SCN11A: variants seen among roughly 807,000 people sequenced by gnomAD.
SCN11A encodes the protein sodium voltage-gated channel alpha subunit 11, also known as sodium channel protein type 11 subunit alpha.
A neutral mutation model predicts 162.2 loss-of-function variants in SCN11A; 122 were observed. That is an observed-to-expected ratio of 0.75 (90% CI 0.65 to 0.87). SCN11A has a LOEUF of 0.87. Among genes scored for constraint, SCN11A ranks in the 40% least tolerant of loss-of-function variants. The pLI, the probability that SCN11A is intolerant of heterozygous loss-of-function variation, is 0.00. For synonymous variants in SCN11A, 758 were observed against 751.5 expected (o/e 1.01, Z -0.14); for missense variants, 2,015 against 2,181.6 (o/e 0.92, Z 1.52).
chr3:38,986,523 G>A lies in SCN11A; in HGVS notation c.-279-26100C>T, dbSNP rs372290097. 5.9e-5 allele frequency among the ~76,000 whole-genome samples: 9 copies of A among 152,146 alleles called. No homozygotes were observed. The East Asian group carries it at 1.5e-3, about 26-fold the overall frequency. ...GATGCAGTGAGGTGACCACAAGAAA[G>A]AAGAGGGAACCCCGAAACTGAAGAT... On this transcript the variant is annotated intron_variant, in intron 2 of 29. Transcript: ENST00000302328.
intron 2 of SCN11A, among the ~76,000 whole-genome samples, chr3:39,030,040 G>A (rs997868893): frequency 6.6e-6 from 1 of 152,160 alleles, no homozygotes; most frequent in Non-Finnish European, 1.5e-5. Flanking sequence ...GTGCTTGCTG[G>A]TCTCAAGAGT....
chr3:38,995,799 G>GTCTATCTATCTATCTGTCTA (rs1553648575), intron 2 of SCN11A, among the ~76,000 whole-genome samples: 6 of 131,480 alleles, frequency 4.6e-5, no homozygotes, highest in East Asian at 2.6e-4. Flanking sequence ...ACAATAAATT[G>GTCTATCTATCTATCTGTCTA]TCTATCTATC....
Position 38,872,206 on chromosome 3 carries a change from A to C in SCN11A, c.3482T>G (p.Phe1161Cys). The C allele has an allele frequency of 6.3e-7, 1 of 1,594,712 alleles. No individual in the cohort carries two copies. Among genetic ancestry groups the C allele is most frequent in the Non-Finnish European group, 8.6e-7 (1 of 1,162,530 alleles). The change falls in exon 24 of 30, where the codon TTT becomes TGT. Residue 1161 changes from phenylalanine to cysteine, a missense_variant. Physicochemically the swap from Phe to Cys is radical, Grantham distance 205 (BLOSUM62 -2). Coordinates refer to ENST00000302328, the MANE Select transcript of SCN11A (RefSeq NM_001349253.2). The part of the protein sequence containing the change: ...ALRPLRALSQ[F>C]EGMKVVVNAL... The stretch of plus-strand genomic sequence containing the variant: ...TGCAGAATGTACCTTCATTCCTTCA[A>C]ACTGGGACAGCGCACGAAGAGGCCT...
chr3:39,036,876 A>T (rs1417797768), intron 1 of SCN11A, among the ~76,000 whole-genome samples: 1 of 152,236 alleles, frequency 6.6e-6, no homozygotes, highest in East Asian at 1.9e-4. Flanking sequence ...TGTTAGTGGG[A>T]ATGTAAATTA....
At chr3:38,942,516 A>C (rs1268160885) in intron 7 of SCN11A, among the ~76,000 whole-genome samples, 1 of 152,148 alleles carries the variant, frequency 6.6e-6, no homozygotes, top group African/African-American at 2.4e-5. Context: ...ACTGAACTGA[A>C]ATTAGATAAT....
At position 38,884,084 on chromosome 3, in the gene SCN11A, G is replaced by T. The variant is rs181680334; in HGVS notation, c.3065-697C>A. Among the ~76,000 whole-genome samples, 346 of 152,160 alleles carry T rather than the reference G, an allele frequency of 2.3e-3. 4 individuals carry two copies. The highest frequency in any genetic ancestry group is 7.7e-3 in the African/African-American group (319 of 41,496). On this transcript the variant is annotated intron_variant, in intron 21 of 29. Coordinates refer to ENST00000302328, the MANE Select transcript of SCN11A (RefSeq NM_001349253.2). ...CTCCTCCTCCCCTTGTACAAATTCT[G>T]CTGATCCTTATTCATGATGATTATA...
In SCN11A at chr3:38,850,745, A is replaced by G. The variant is rs904471633; in HGVS notation, c.4063T>C (p.Cys1355Arg). The G allele has an allele frequency of 1.9e-6, 3 of 1,581,896 alleles. No individual in the cohort carries two copies. Among genetic ancestry groups the G allele is most frequent in the Admixed American group, 3.8e-5 (2 of 53,250 alleles). ...QKPIPRPLNK[C>R]QGLVFDIVTS... ...ACTATGTCGAACACGAGACCTTGAC[A>G]TTTGTTCTGAGAAAAAAAAGAAATT... The change falls in exon 29 of 30, where the codon TGT becomes CGT. Residue 1355 changes from cysteine to arginine, a missense_variant. Cys to Arg is a radical substitution (Grantham distance 180). Transcript: ENST00000302328.
intron 23 of SCN11A, among the ~76,000 whole-genome samples, chr3:38,875,699 A>G (rs1319165313): frequency 6.6e-6 from 1 of 152,198 alleles, no homozygotes; most frequent in Non-Finnish European, 1.5e-5. Flanking sequence ...CACTGCTGAA[A>G]GAAATCATCA....
intron 2 of SCN11A, among the ~76,000 whole-genome samples, chr3:39,014,208 G>A (rs1348251053): frequency 1.3e-5 from 2 of 152,126 alleles, no homozygotes; most frequent in Admixed American, 6.5e-5. Context: ...GTATTAAGAG[G>A]TGCCCCAGGG....
chr3:38,871,275 G>A (rs956636302), intron 25 of SCN11A, among the ~76,000 whole-genome samples, 170 bp downstream of exon 25: 2 of 152,218 alleles, frequency 1.3e-5, no homozygotes, highest in African/African-American at 4.8e-5. Flanking sequence ...CAATGAAGTT[G>A]CAGATGCTCA....
At chr3:38,952,487 T>C (rs905662678) in intron 4 of SCN11A, among the ~76,000 whole-genome samples, 18 of 152,336 alleles carry the variant, frequency 1.2e-4, no homozygotes, top group African/African-American at 3.6e-4. Flanking sequence ...AACAATTATA[T>C]GCCCTGTGTC....
At chr3:38,991,014 A>G (rs2030436032) in intron 2 of SCN11A, among the ~76,000 whole-genome samples, 1 of 152,154 alleles carries the variant, frequency 6.6e-6, no homozygotes, top group African/African-American at 2.4e-5. Context: ...CCTGGGGGAA[A>G]AAATAATCAT....
intron 1 of SCN11A, among the ~76,000 whole-genome samples, chr3:39,050,717 TTTTA>T (rs1219723886): frequency 6.6e-6 from 1 of 152,234 alleles, no homozygotes; most frequent in Non-Finnish European, 1.5e-5. Flanking sequence ...AATTAATAAA[TTTTA>T]TTTAGCCTAA....
At chr3:38,912,168 T>A (rs187698306) in intron 11 of SCN11A, among the ~76,000 whole-genome samples, 3 of 152,194 alleles carry the variant, frequency 2.0e-5, no homozygotes, top group Non-Finnish European at 4.4e-5. Context: ...AGGAGTCTGC[T>A]GAGGATGGAC....
chr3:38,872,391 G>T (rs191997292), intron 23 of SCN11A, 97 bp from the exon 24 acceptor site: 3 of 703,900 alleles, frequency 4.3e-6, no homozygotes, highest in Non-Finnish European at 7.8e-6. Flanking sequence ...GTCCATAAAC[G>T]TGGGAACAAT....
At chr3:38,911,832 C>A (rs1421001511) in intron 11 of SCN11A, among the ~76,000 whole-genome samples, 1 of 152,070 alleles carries the variant, frequency 6.6e-6, no homozygotes, top group Non-Finnish European at 1.5e-5. Context: ...TATATAATAT[C>A]TCTTTTAATT....
At chr3:39,034,755 G>A (rs2031860716) in intron 1 of SCN11A, among the ~76,000 whole-genome samples, 2 of 152,182 alleles carry the variant, frequency 1.3e-5, no homozygotes, top group African/African-American at 2.4e-5. Context: ...AACAAATTCA[G>A]TAGAGTTGCA....
At chr3:38,850,359 C>A in intron 29 of SCN11A, 122 bp downstream of exon 29, 1 of 872,294 alleles carries the variant, frequency 1.1e-6, no homozygotes, top group Non-Finnish European at 1.8e-6. Flanking sequence ...TCTATTCTTT[C>A]AGAAAGTACA....
At chr3:38,948,696 G>A (rs142407252) in intron 5 of SCN11A, among the ~76,000 whole-genome samples, 3 of 152,320 alleles carry the variant, frequency 2.0e-5, no homozygotes, top group Admixed American at 6.5e-5. Context: ...AACAGATATC[G>A]TGTCTTCTTA....
Sources: gnomAD v4.1 joint callset for allele counts (sites outside exome capture counted in the v4.1 genomes callset) on GRCh38, gnomAD v4.1.1 for gene constraint, MANE v1.5 for transcripts, NCBI Gene and HGNC (gene_info 2026-07-23, HGNC 2026-07-21) for gene names.